Variants in TM4SF1 observed in about 807,000 individuals in gnomAD.
The protein encoded by TM4SF1 is transmembrane 4 L six family member 1.
Under a neutral mutation model 24.5 loss-of-function variants are expected in TM4SF1, and 20 were observed. That is an observed-to-expected ratio of 0.82 (90% CI 0.57 to 1.19). The LOEUF is 1.19. TM4SF1 is among the 50% of genes most tolerant of loss of function. The probability of loss-of-function intolerance (pLI) is 0.00; values close to 1 mark genes in which losing one functional copy is unlikely to be tolerated. For missense variants in TM4SF1, 258 were observed against 248.1 expected (o/e 1.04, Z -0.27); for synonymous variants, 107 against 95.4 (o/e 1.12, Z -0.71).
chr3:149,371,361 A>G, intron 4 of TM4SF1: 1 of 527,214 alleles, frequency 1.9e-6, no homozygotes, highest in South Asian at 2.5e-5. Context: ...CAGCAAACAA[A>G]GAGCAGACAT....
chr3:149,371,339 T>C, intron 4 of TM4SF1: 1 of 469,014 alleles, frequency 2.1e-6, no homozygotes, highest in East Asian at 3.8e-5. Flanking sequence ...TGTATACTAG[T>C]TGGGAATATA....
Position 149,375,514 on chromosome 3 carries a change from G to C in TM4SF1, c.342C>G (p.Gly114=). Residue 114 remains glycine, a synonymous_variant, in exon 3 of 5, where the codon GGC becomes GGG. Coordinates refer to ENST00000305366, the MANE Select transcript of TM4SF1 (RefSeq NM_014220.3). Reference sequence around the variant, plus strand: ...CAAGACATAGTGGTCCTTCTGCTAAGCCAAGGGCTGCCACAATGACACAGT... The same window carrying C: ...CAAGACATAGTGGTCCTTCTGCTAACCCAAGGGCTGCCACAATGACACAGT... ...SGYCVIVAAL[G]LAEGPLCLDS... 6.2e-7 allele frequency: 1 copy of C among 1,614,224 alleles called. No individual in the cohort carries two copies. The highest frequency in any genetic ancestry group is 8.5e-7 in the Non-Finnish European group (1 of 1,180,040).
At chr3:149,376,850 T>C (rs569305785) in intron 1 of TM4SF1, among the ~76,000 whole-genome samples, 2 of 152,310 alleles carry the variant, frequency 1.3e-5, no homozygotes, top group East Asian at 1.9e-4. Flanking sequence ...CTGCTAACTG[T>C]AGGGTTTTTC....
Position 149,377,425 on chromosome 3 carries a change from G to A in TM4SF1, c.123C>T (p.Asn41=). The part of the protein sequence containing the change: ...PNGETKYASE[N]HLSRFVWFFS... ...AGAACCACACGAAGCGGCTGAGGTG[G>A]TTTTCGGAGGCATACTTTGTTTCCC... The change falls in exon 1 of 5, where the codon AAC becomes AAT. Residue 41 remains asparagine (N), a synonymous_variant. Transcript: ENST00000305366. 3 of 1,614,228 alleles carry A rather than the reference G, an allele frequency of 1.9e-6. No individual in the cohort carries two copies. The highest frequency in any genetic ancestry group is 2.5e-6 in the Non-Finnish European group (3 of 1,180,036).
Position 149,375,481 on chromosome 3 carries a change from G to A in TM4SF1, c.375C>T (p.Leu125=), listed in dbSNP as rs147261725. Residue 125 remains leucine, a synonymous_variant, in exon 3 of 5, where the codon CTC becomes CTT. Coordinates refer to ENST00000305366, the MANE Select transcript of TM4SF1 (RefSeq NM_014220.3). ...LAEGPLCLDS[L]GQWNYTFAST... The stretch of plus-strand genomic sequence containing the variant: ...TGGCAAAGGTGTAGTTCCACTGGCC[G>A]AGGGAATCAAGACATAGTGGTCCTT... 71 of 1,614,038 alleles carry A rather than the reference G, an allele frequency of 4.4e-5. No homozygotes were observed. Among genetic ancestry groups the A allele is most frequent in the Non-Finnish European group, 5.8e-5 (69 of 1,180,046 alleles).
chr3:149,369,638 T>C lies in TM4SF1; in HGVS notation c.*228A>G. On this transcript the variant is annotated 3_prime_UTR_variant, in exon 5 of 5. Coordinates refer to ENST00000305366, the MANE Select transcript of TM4SF1 (RefSeq NM_014220.3). ...TAAATTACCCCCAGAGGGTGGTTTG[T>C]TTCCTCATTCCTTAAAAAAAAACAA... is the stretch of plus-strand genomic sequence containing the variant. The C allele has an allele frequency of 3.9e-6, 2 of 510,246 alleles. No homozygotes were observed. Among genetic ancestry groups the C allele is most frequent in the South Asian group, 4.8e-5 (2 of 41,542 alleles). The allele number at this position is 510,246 out of a possible 1,614,324, so 31.6% of individuals were successfully genotyped here. A position where few individuals can be genotyped will look rare whatever the true frequency, so the allele number is the denominator to read the frequency against.
rs761337316 is a variant in TM4SF1 at position 149,371,767 on chromosome 3, T to G, written c.514A>C (p.Ile172Leu). The G allele has an allele frequency of 5.0e-6, 8 of 1,614,024 alleles. No homozygotes were observed. The highest frequency in any genetic ancestry group is 5.1e-6 in the Non-Finnish European group (6 of 1,180,022). The change falls in exon 4 of 5, where the codon ATT becomes CTT. Residue 172 changes from isoleucine to leucine, a missense_variant. Physicochemically the swap from Ile to Leu is conservative, Grantham distance 5 (BLOSUM62 2). Transcript: ENST00000305366. Reference protein sequence around the residue: ...LFSILLALGGIEFILCLIQVI... With the variant: ...LFSILLALGGLEFILCLIQVI... ...TGAATAAGACACAAGATGAATTCAA[T>G]TCCACCAAGAGCCAAGAGGATAGAA...
At chr3:149,377,334 A>G (rs1731978728) in intron 1 of TM4SF1, 37 bp downstream of exon 1, 2 of 1,578,192 alleles carry the variant, frequency 1.3e-6, no homozygotes, top group African/African-American at 1.4e-5. Context: ...CATCTAGGAA[A>G]CAGGAGAGAA....
chr3:149,371,646 ACAC>A, intron 4 of TM4SF1, 38 bp downstream of exon 4: 1 of 1,611,388 alleles, frequency 6.2e-7, no homozygotes. Context: ...TGGTATATTA[ACAC>A]CAGGGCCAGA....
intron 3 of TM4SF1, among the ~76,000 whole-genome samples, chr3:149,373,825 C>G (rs1385955875): frequency 6.6e-6 from 1 of 152,156 alleles, no homozygotes; most frequent in Non-Finnish European, 1.5e-5. Context: ...AGTCAAATAG[C>G]TATAAAAACC....
chr3:149,375,347 G>A (rs958327113), intron 3 of TM4SF1, 96 bp downstream of exon 3: 1 of 1,473,636 alleles, frequency 6.8e-7, no homozygotes, highest in Non-Finnish European at 9.3e-7. Context: ...GTGGGTGGAT[G>A]GATGGATAAG....
intron 4 of TM4SF1, chr3:149,370,351 T>C (rs1190254040): frequency 6.5e-6 from 1 of 154,812 alleles, no homozygotes; most frequent in Non-Finnish European, 1.4e-5. Flanking sequence ...GAAGAAGCCA[T>C]CCCTACAGTG....
rs1646647288 is a variant in TM4SF1 at position 149,369,581 on chromosome 3, C to T, written c.*285G>A. 1.8e-5 allele frequency: 6 copies of T among 334,912 alleles called. No homozygotes were observed. Among genetic ancestry groups the T allele is most frequent in the Admixed American group, 4.9e-5 (1 of 20,540 alleles). 20.7% of individuals were successfully genotyped at this position (334,912 alleles called of 1,614,324 possible). A position where few individuals can be genotyped will look rare whatever the true frequency, so the allele number is the denominator to read the frequency against. Reference sequence around the variant, plus strand: ...TTATCCAAAACATTATAGAGTTTATCTCAGATATACTGAGTACTGTCACTC... The same window carrying T: ...TTATCCAAAACATTATAGAGTTTATTTCAGATATACTGAGTACTGTCACTC... On this transcript the variant is annotated 3_prime_UTR_variant, in exon 5 of 5. Coordinates refer to ENST00000305366, the MANE Select transcript of TM4SF1 (RefSeq NM_014220.3).
Position 149,377,366 on chromosome 3 carries a change from C to T in TM4SF1, c.177+5G>A. The T allele has an allele frequency of 1.9e-6, 3 of 1,611,758 alleles. No individual in the cohort carries two copies. Among genetic ancestry groups the T allele is most frequent in the South Asian group, 2.2e-5 (2 of 90,462 alleles). Reference sequence around the variant, plus strand: ...AGAATTCAGTAATAATCCTGAATGACTTACCAGCAGGCCACCTCCTACGAT... The same window carrying T: ...AGAATTCAGTAATAATCCTGAATGATTTACCAGCAGGCCACCTCCTACGAT... On this transcript the variant is annotated splice_donor_5th_base_variant and intron_variant, in intron 1 of 4. Transcript: ENST00000305366.
chr3:149,369,462 G>A lies in TM4SF1; in HGVS notation c.*404C>T, dbSNP rs1376039239. On this transcript the variant is annotated 3_prime_UTR_variant, in exon 5 of 5. Coordinates refer to ENST00000305366, the MANE Select transcript of TM4SF1 (RefSeq NM_014220.3). ...AAACAAAAATCTTTCCAGGTTGTCG[G>A]ATTTTCTCCTTCTTGGTCTTATAAA... The A allele has an allele frequency of 6.2e-6, 1 of 160,326 alleles. No individual in the cohort carries two copies. Among genetic ancestry groups the A allele is most frequent in the African/African-American group, 2.4e-5 (1 of 41,486 alleles). 9.9% of individuals were successfully genotyped at this position (160,326 alleles called of 1,614,324 possible). A position where few individuals can be genotyped will look rare whatever the true frequency, so the allele number is the denominator to read the frequency against.
chr3:149,372,408 GT>G (rs1045280288), intron 3 of TM4SF1, among the ~76,000 whole-genome samples: 35 of 148,272 alleles, frequency 2.4e-4, no homozygotes, highest in African/African-American at 4.7e-4. Flanking sequence ...CTTTAGGCTA[GT>G]TTTTTTTTTG....
chr3:149,371,363 A>G, intron 4 of TM4SF1: 7 of 534,718 alleles, frequency 1.3e-5, no homozygotes, highest in Non-Finnish European at 2.0e-5. Flanking sequence ...GCAAACAAAG[A>G]GCAGACATCA....
At position 149,369,626 on chromosome 3, in the gene TM4SF1, G is replaced by T. The variant is rs1014606776; in HGVS notation, c.*240C>A. On this transcript the variant is annotated 3_prime_UTR_variant, in exon 5 of 5. Coordinates refer to ENST00000305366, the MANE Select transcript of TM4SF1 (RefSeq NM_014220.3). The stretch of plus-strand genomic sequence containing the variant: ...TCACTCAGTCTGTAAATTACCCCCA[G>T]AGGGTGGTTTGTTTCCTCATTCCTT... The T allele has an allele frequency of 4.2e-6, 2 of 478,030 alleles. No individual in the cohort carries two copies. The highest frequency in any genetic ancestry group is 8.0e-5 in the Admixed American group (2 of 25,046). The allele number at this position is 478,030 out of a possible 1,614,324, so 29.6% of individuals were successfully genotyped here. A position where few individuals can be genotyped will look rare whatever the true frequency, so the allele number is the denominator to read the frequency against.
chr3:149,374,525 C>T (rs1233431167), intron 3 of TM4SF1, among the ~76,000 whole-genome samples: 5 of 152,140 alleles, frequency 3.3e-5, no homozygotes, highest in East Asian at 1.9e-4. Context: ...CACATACATC[C>T]GTTTCTATCA....
Sources: allele counts gnomAD v4.1 joint callset (sites outside exome capture counted in the v4.1 genomes callset), GRCh38; gene constraint gnomAD v4.1.1; transcripts MANE v1.5; gene names NCBI Gene and HGNC (gene_info 2026-07-23, HGNC 2026-07-21).